The following ATP8A2 variants were observed in gnomAD, a reference collection of about 807,000 sequenced individuals.
ATP8A2 encodes ATPase phospholipid transporting 8A2.
Under a neutral mutation model 165.6 loss-of-function variants are expected in ATP8A2, and 100 were observed. The observed-to-expected ratio is 0.60, with a 90% CI of 0.51 to 0.71. The LOEUF is 0.71. Ranked by LOEUF, ATP8A2 falls within the 30% of genes least tolerant of loss-of-function variation. The pLI, the probability that ATP8A2 is intolerant of heterozygous loss-of-function variation, is 0.00. For missense variants in ATP8A2, 1,227 were observed against 1,479.5 expected (o/e 0.83, Z 2.80); for synonymous variants, 543 against 548.8 (o/e 0.99, Z 0.15).
intron 33 of ATP8A2, among the ~76,000 whole-genome samples, chr13:25,916,011 G>A (rs959103951): frequency 1.1e-4 from 16 of 152,052 alleles, no homozygotes; most frequent in African/African-American, 1.4e-4. Flanking sequence ...AAACCCATGC[G>A]TTAGTGCAGT....
At chr13:25,752,208 C>T (rs1229459341) in intron 25 of ATP8A2, among the ~76,000 whole-genome samples, 3 of 152,066 alleles carry the variant, frequency 2.0e-5, no homozygotes, top group Admixed American at 6.6e-5. Context: ...CGCCTGTAAT[C>T]CCAACACTTC....
chr13:25,577,930 A>C (rs2138218930), intron 20 of ATP8A2, among the ~76,000 whole-genome samples: 1 of 152,336 alleles, frequency 6.6e-6, no homozygotes, highest in East Asian at 1.9e-4. Context: ...AAATGAAGGA[A>C]TGCATGGGAA....
At chr13:25,871,218 AT>A in intron 33 of ATP8A2, 1 of 410,230 alleles carries the variant, frequency 2.4e-6, no homozygotes, top group South Asian at 1.8e-5. Flanking sequence ...TTACATGCTG[AT>A]TTTGTTTGTT....
At chr13:25,737,564 A>G (rs544049218) in intron 25 of ATP8A2, among the ~76,000 whole-genome samples, 1 of 152,338 alleles carries the variant, frequency 6.6e-6, no homozygotes, top group South Asian at 2.1e-4. Flanking sequence ...CAGTGGCACG[A>G]TCATGGCTCA....
intron 2 of ATP8A2, among the ~76,000 whole-genome samples, chr13:25,481,026 C>T (rs1237422592): frequency 6.6e-5 from 10 of 152,126 alleles, no homozygotes; most frequent in South Asian, 2.1e-4. Context: ...CGTGGCAGCG[C>T]GCGCCTGCAA....
intron 25 of ATP8A2, among the ~76,000 whole-genome samples, chr13:25,727,430 A>G (rs1288524035): frequency 6.6e-6 from 1 of 152,148 alleles, no homozygotes; most frequent in Admixed American, 6.5e-5. Flanking sequence ...GAGCCGCCCC[A>G]TGCCAGAGCT....
intron 33 of ATP8A2, among the ~76,000 whole-genome samples, chr13:25,957,309 A>G (rs1228973999): frequency 6.6e-6 from 1 of 152,212 alleles, no homozygotes; most frequent in Non-Finnish European, 1.5e-5. Flanking sequence ...AAAAGAAACT[A>G]TCATCAGAGT....
chr13:25,432,291 C>T lies in ATP8A2; in HGVS notation c.77-36686C>T, dbSNP rs111423391. Among the ~76,000 whole-genome samples the T allele has an allele frequency of 4.2e-3, 633 of 152,286 alleles. 7 individuals carry two copies. Among genetic ancestry groups the T allele is most frequent in the African/African-American group, 0.013 (560 of 41,548 alleles). ...CACTGGGGAGTTTGCCAGTTTACCTCGGAGGTCCTTGTGTGTCCACGTGTT... is the reference window on the plus strand; with the variant it reads ...CACTGGGGAGTTTGCCAGTTTACCTTGGAGGTCCTTGTGTGTCCACGTGTT... On this transcript the variant is annotated intron_variant, in intron 1 of 36. Coordinates refer to ENST00000381655, the MANE Select transcript of ATP8A2 (RefSeq NM_016529.6).
chr13:25,871,888 G>A (rs933059369), intron 33 of ATP8A2, among the ~76,000 whole-genome samples: 1 of 152,156 alleles, frequency 6.6e-6, no homozygotes, highest in Non-Finnish European at 1.5e-5. Context: ...TTTCAATGCA[G>A]GATGGAAACT....
At chr13:25,885,279 A>C (rs1953109943) in intron 33 of ATP8A2, among the ~76,000 whole-genome samples, 1 of 151,598 alleles carries the variant, frequency 6.6e-6, no homozygotes, top group Non-Finnish European at 1.5e-5. Context: ...TGCCTGGCTA[A>C]TTTTTGTATC....
intron 25 of ATP8A2, among the ~76,000 whole-genome samples, chr13:25,735,484 C>T (rs1486493215): frequency 1.3e-5 from 2 of 152,004 alleles, no homozygotes; most frequent in East Asian, 3.9e-4. Flanking sequence ...TGGTCTCGAA[C>T]TCATGGGCTC....
At chr13:25,997,618 A>G (rs1956539007) in intron 35 of ATP8A2, among the ~76,000 whole-genome samples, 2 of 151,940 alleles carry the variant, frequency 1.3e-5, no homozygotes, top group Admixed American at 1.3e-4. Flanking sequence ...TAATTTTTAT[A>G]GTCTATTTTG....
chr13:25,688,582 A>T (rs1439165266), intron 24 of ATP8A2, among the ~76,000 whole-genome samples: 4 of 152,244 alleles, frequency 2.6e-5, no homozygotes, highest in Non-Finnish European at 5.9e-5. Flanking sequence ...AAGTATTTCC[A>T]ATTTTAAATG....
At chr13:25,535,156 G>A (rs1008601716) in intron 6 of ATP8A2, among the ~76,000 whole-genome samples, 3 of 152,158 alleles carry the variant, frequency 2.0e-5, no homozygotes, top group East Asian at 1.9e-4. Flanking sequence ...AACTAGCTGC[G>A]GAACTGTGAG....
intron 2 of ATP8A2, among the ~76,000 whole-genome samples, chr13:25,511,664 A>G (rs895233442): frequency 1.3e-5 from 2 of 151,968 alleles, no homozygotes; most frequent in Middle Eastern, 6.8e-3. Context: ...TTTCATCTTC[A>G]TTTTTTTTCT....
At chr13:25,893,161 T>G (rs1034214707) in intron 33 of ATP8A2, among the ~76,000 whole-genome samples, 1 of 151,046 alleles carries the variant, frequency 6.6e-6, no homozygotes, top group Non-Finnish European at 1.5e-5. Flanking sequence ...TAACTCGTCA[T>G]TTAGCATTAG....
chr13:25,616,310 TTTTC>T (rs1193749619), intron 24 of ATP8A2, among the ~76,000 whole-genome samples: 6 of 145,956 alleles, frequency 4.1e-5, no homozygotes, highest in East Asian at 1.9e-4. Context: ...CTTAATTTTC[TTTTC>T]TTTCTTTCTT....
intron 33 of ATP8A2, among the ~76,000 whole-genome samples, chr13:25,955,098 C>T (rs995500793): frequency 5.3e-5 from 8 of 152,040 alleles, no homozygotes; most frequent in African/African-American, 1.9e-4. Context: ...AGCTAAGAAC[C>T]TTGAAAAAAG....
At chr13:25,882,842 G>C (rs2138858661) in intron 33 of ATP8A2, among the ~76,000 whole-genome samples, 1 of 152,132 alleles carries the variant, frequency 6.6e-6, no homozygotes, top group East Asian at 1.9e-4. Flanking sequence ...TAAATGAAGA[G>C]AGTTGTGTTC....
Sources: gnomAD v4.1 joint callset for allele counts (sites outside exome capture counted in the v4.1 genomes callset) on GRCh38, gnomAD v4.1.1 for gene constraint, MANE v1.5 for transcripts, NCBI Gene and HGNC (gene_info 2026-07-23, HGNC 2026-07-21) for gene names.